The following PCCB variants were observed in gnomAD, a reference collection of about 807,000 sequenced individuals.
PCCB encodes propionyl-CoA carboxylase beta chain, mitochondrial.
A neutral mutation model predicts 60.7 loss-of-function variants in PCCB; 43 were observed. The observed-to-expected ratio is 0.71, with a 90% CI of 0.55 to 0.91. The LOEUF is 0.91. PCCB is among the 40% of genes least tolerant of loss of function. The pLI is 0.00. For missense variants in PCCB, 766 were observed against 702.8 expected (o/e 1.09, Z -1.02); for synonymous variants, 276 against 255.9 (o/e 1.08, Z -0.75).
chr3:136,310,022 A>G (rs1934599797), intron 9 of PCCB, among the ~76,000 whole-genome samples: 1 of 152,020 alleles, frequency 6.6e-6, no homozygotes, highest in Non-Finnish European at 1.5e-5. Flanking sequence ...GTTTGAGCCC[A>G]GGAATTTGAG....
At chr3:136,258,269 A>G (rs1400486515) in intron 3 of PCCB, among the ~76,000 whole-genome samples, 2 of 152,216 alleles carry the variant, frequency 1.3e-5, no homozygotes, top group Non-Finnish European at 2.9e-5. Context: ...GAGAAGGTGG[A>G]GATGACTGAG....
At chr3:136,251,690 G>A (rs1941521691) in intron 1 of PCCB, among the ~76,000 whole-genome samples, 1 of 151,966 alleles carries the variant, frequency 6.6e-6, no homozygotes, top group Non-Finnish European at 1.5e-5. Flanking sequence ...TCATCCTCTG[G>A]AAAGGCCTGT....
intron 10 of PCCB, among the ~76,000 whole-genome samples, chr3:136,320,063 C>G (rs1375092918): frequency 1.3e-5 from 2 of 152,204 alleles, no homozygotes; most frequent in Admixed American, 6.5e-5. Context: ...GTCTGTATGT[C>G]TGTCCATATT....
intron 1 of PCCB, 135 bp downstream of exon 1, chr3:136,250,693 T>G: frequency 1.2e-6 from 1 of 848,940 alleles, no homozygotes; most frequent in Non-Finnish European, 1.8e-6. Context: ...GGTGTTCACC[T>G]TGAAAACCTG....
At chr3:136,257,995 A>G (rs1284465937) in intron 3 of PCCB, among the ~76,000 whole-genome samples, 2 of 152,208 alleles carry the variant, frequency 1.3e-5, no homozygotes, top group African/African-American at 2.4e-5. Flanking sequence ...GTTAGTATGC[A>G]TTTACCAATT....
At chr3:136,300,615 C>G (rs999837238) in intron 8 of PCCB, among the ~76,000 whole-genome samples, 8 of 152,174 alleles carry the variant, frequency 5.3e-5, no homozygotes, top group African/African-American at 1.7e-4. Context: ...GTGGTTTATG[C>G]AGAGCTCTGC....
chr3:136,327,739 GC>G lies in PCCB; in HGVS notation c.1398+9del. 6.2e-7 allele frequency: 1 copy of G among 1,605,598 alleles called. No homozygotes were observed. The highest frequency in any genetic ancestry group is 8.5e-7 in the Non-Finnish European group (1 of 1,172,728). On this transcript the variant is annotated splice_region_variant and intron_variant, in intron 13 of 14. Coordinates refer to ENST00000251654, the MANE Select transcript of PCCB (RefSeq NM_000532.5). ...TGCAGTCATGGGAGCAAAGGTGAGG[GC>G]CTCTTGCTTTTCCCTTTCTGGGTCC...
At chr3:136,301,216 G>A (rs1451064474) in intron 9 of PCCB, 105 bp downstream of exon 9, 2 of 859,772 alleles carry the variant, frequency 2.3e-6, no homozygotes, top group Admixed American at 1.9e-5. Context: ...CTCCATGTCA[G>A]ACAGCACAGG....
At chr3:136,320,808 T>G (rs1448734097) in intron 10 of PCCB, among the ~76,000 whole-genome samples, 1 of 152,214 alleles carries the variant, frequency 6.6e-6, no homozygotes. Flanking sequence ...CCAATTTGGA[T>G]GCTTTTTATT....
intron 9 of PCCB, among the ~76,000 whole-genome samples, chr3:136,313,925 G>A (rs1169034548): frequency 1.3e-5 from 2 of 152,200 alleles, no homozygotes; most frequent in Admixed American, 6.5e-5. Context: ...TATGGCAAGA[G>A]AAAAAAATCT....
intron 14 of PCCB, 39 bp from the exon 15 acceptor site, chr3:136,329,866 G>A: frequency 6.2e-7 from 1 of 1,611,476 alleles, no homozygotes; most frequent in Non-Finnish European, 8.5e-7. Flanking sequence ...CATCATCTCG[G>A]GATGCAGATG....
intron 6 of PCCB, among the ~76,000 whole-genome samples, chr3:136,286,651 A>G (rs890223435): frequency 6.6e-6 from 1 of 152,172 alleles, no homozygotes; most frequent in African/African-American, 2.4e-5. Context: ...GCTTCTTAGC[A>G]CGACTACTTA....
intron 5 of PCCB, among the ~76,000 whole-genome samples, chr3:136,265,369 C>G (rs563303856): frequency 6.6e-6 from 1 of 152,216 alleles, no homozygotes; most frequent in African/African-American, 2.4e-5. Flanking sequence ...CAGTTCCCAC[C>G]TAACCACAGT....
chr3:136,289,995 C>G (rs1933600468), intron 6 of PCCB, among the ~76,000 whole-genome samples: 1 of 152,064 alleles, frequency 6.6e-6, no homozygotes, highest in African/African-American at 2.4e-5. Context: ...AGCCAAAAGG[C>G]TGAGAAGCGA....
intron 9 of PCCB, among the ~76,000 whole-genome samples, chr3:136,315,675 A>T (rs1576351810): frequency 6.6e-6 from 1 of 150,464 alleles, no homozygotes; most frequent in South Asian, 2.1e-4. Context: ...TACAAAAAAT[A>T]TAATTTTTTT....
chr3:136,265,672 G>A (rs929204279), intron 5 of PCCB, among the ~76,000 whole-genome samples: 21 of 152,034 alleles, frequency 1.4e-4, no homozygotes, highest in Admixed American at 1.0e-3. Flanking sequence ...CCTAAGAGTG[G>A]GATTGTAGGT....
intron 2 of PCCB, 166 bp from the exon 3 acceptor site, chr3:136,256,389 T>A: frequency 1.5e-6 from 1 of 668,810 alleles, no homozygotes; most frequent in Non-Finnish European, 2.7e-6. Flanking sequence ...CTGTGCTTGC[T>A]GTTGTAGAGC....
Position 136,256,533 on chromosome 3 carries a change from TATTTTTGC to T in PCCB, c.304-15_304-8del. ...AGAAGTATTTGGATTTTTTAACCTT[TATTTTTGC>T]ATTTTTCTGGTAGTTTCCTGGAGAC... On this transcript the variant is annotated splice_polypyrimidine_tract_variant and intron_variant, in intron 2 of 14. Coordinates refer to ENST00000251654, the MANE Select transcript of PCCB (RefSeq NM_000532.5). 6.3e-7 allele frequency: 1 copy of T among 1,590,134 alleles called. No individual in the cohort carries two copies. The highest frequency in any genetic ancestry group is 8.6e-7 in the Non-Finnish European group (1 of 1,158,104).
intron 10 of PCCB, 147 bp downstream of exon 10, chr3:136,317,211 AATTTTT>A: frequency 3.1e-6 from 1 of 322,734 alleles, no homozygotes; most frequent in Non-Finnish European, 5.0e-6. Flanking sequence ...TATAAAAGCT[AATTTTT>A]TTTTTTTTTT....
Sources: allele counts gnomAD v4.1 joint callset (sites outside exome capture counted in the v4.1 genomes callset), GRCh38; gene constraint gnomAD v4.1.1; transcripts MANE v1.5; gene names NCBI Gene and HGNC (gene_info 2026-07-23, HGNC 2026-07-21).